The following SRCAP variants were observed in gnomAD, a reference collection of about 807,000 sequenced individuals.
SRCAP encodes chromatin remodeling protein SRCAP.
A neutral mutation model predicts 263.1 loss-of-function variants in SRCAP; 46 were observed. The ratio of observed to expected loss-of-function variants is 0.17; its 90% CI spans 0.14 to 0.22. SRCAP has a LOEUF of 0.22. SRCAP is among the 10% of genes least tolerant of loss of function. The pLI, the probability that SRCAP is intolerant of heterozygous loss-of-function variation, is 1.00. For missense variants in SRCAP, 3,695 were observed against 4,181.9 expected (o/e 0.88, Z 3.21); for synonymous variants, 1,813 against 1,662.1 (o/e 1.09, Z -2.21).
chr16:30,700,348 T>C (rs1217117977), intron 2 of SRCAP, among the ~76,000 whole-genome samples: 1 of 152,234 alleles, frequency 6.6e-6, no homozygotes, highest in East Asian at 1.9e-4. Context: ...TCGGGAATCC[T>C]TTCTGCATGG....
chr16:30,703,171 A>G (rs1025551449), intron 3 of SRCAP, among the ~76,000 whole-genome samples: 7 of 150,142 alleles, frequency 4.7e-5, no homozygotes, highest in African/African-American at 1.7e-4. Context: ...ATATATATGT[A>G]TGTATATAAA....
chr16:30,709,955 AT>A lies in SRCAP; in HGVS notation c.963del (p.Ile321MetfsTer59). The stretch of plus-strand genomic sequence containing the variant: ...TGATGCAGAGGCCCAGAGGCGTGAG[AT>A]TGAGCTGCTTCGCCGTGAGGGAGAA... ...GNDAEAQRRE[I>X]ELLRREGELP... On this transcript the variant is annotated frameshift_variant, in exon 8 of 34. Transcript: ENST00000262518. LOFTEE classifies it high-confidence loss of function. 1 of 1,614,188 alleles carries A rather than the reference AT, an allele frequency of 6.2e-7. No homozygotes were observed. The highest frequency in any genetic ancestry group is 8.5e-7 in the Non-Finnish European group (1 of 1,180,040).
chr16:30,737,464 C>T lies in SRCAP; in HGVS notation c.7424C>T (p.Thr2475Ile), dbSNP rs2053171945. 3.8e-6 allele frequency: 6 copies of T among 1,590,844 alleles called. No individual in the cohort carries two copies. Among genetic ancestry groups the T allele is most frequent in the Non-Finnish European group, 5.2e-6 (6 of 1,164,202 alleles). ...PVPISAPNPI[T>I]ILPVHILPSP... Reference sequence around the variant, plus strand: ...CCCATTTCAGCCCCAAATCCAATAACCATTCTCCCTGTCCATATCTTGCCT... The same window carrying T: ...CCCATTTCAGCCCCAAATCCAATAATCATTCTCCCTGTCCATATCTTGCCT... The change falls in exon 34 of 34, where the codon ACC becomes ATC. Residue 2475 changes from threonine to isoleucine, a missense_variant. Thr to Ile is a moderately conservative substitution (Grantham distance 89). Transcript: ENST00000262518.
chr16:30,728,247 T>C (rs1436047019), intron 25 of SRCAP, among the ~76,000 whole-genome samples: 1 of 152,192 alleles, frequency 6.6e-6, no homozygotes. Context: ...ACTGAGTGAT[T>C]ATAGTGAGCA....
chr16:30,712,195 G>C (rs774399132), intron 12 of SRCAP, 38 bp downstream of exon 12: 2 of 1,604,078 alleles, frequency 1.2e-6, no homozygotes, highest in African/African-American at 2.7e-5. Context: ...CTCATGTCTT[G>C]ACTTTCTCAT....
At position 30,736,377 on chromosome 16, in the gene SRCAP, G is replaced by T. The variant is rs770482630; in HGVS notation, c.6907G>T (p.Ala2303Ser). ...GATGTCCCGGGCTGAGCAGGAAATT[G>T]CTGCCCTCGTAGAACAGGTCAGTGC... ...EEMSRAEQEI[A>S]ALVEQLTPIE... is the part of the protein sequence containing the mutation. The change falls in exon 32 of 34, where the codon GCT becomes TCT. Residue 2303 changes from alanine (A) to serine (S), a missense_variant. By Grantham distance (99) the Ala-to-Ser change is moderately conservative (BLOSUM62 1). This residue lies in a region of SRCAP where 91 missense variants were observed against 150.6 expected (regional missense o/e 0.60). Coordinates refer to ENST00000262518, the MANE Select transcript of SRCAP (RefSeq NM_006662.3). The T allele has an allele frequency of 1.5e-5, 25 of 1,613,022 alleles. No homozygotes were observed. Among genetic ancestry groups the T allele is most frequent in the Non-Finnish European group, 2.1e-5 (25 of 1,179,310 alleles).
rs776253500 is a variant in SRCAP at position 30,733,498 on chromosome 16, C to A, written c.6297+49C>A. On this transcript the variant is annotated intron_variant, in intron 28 of 33. Coordinates refer to ENST00000262518, the MANE Select transcript of SRCAP (RefSeq NM_006662.3). This position sits in a 1 kb window ranked among gnomAD's most constrained non-coding sequence, Gnocchi z 5.3. The stretch of plus-strand genomic sequence containing the variant: ...TAGAGGCTCACCTCCGCTTCTCTCT[C>A]CTTTTCCCAGGATTTGGGCTTCCAG... The A allele has an allele frequency of 6.2e-7, 1 of 1,610,106 alleles. No homozygotes were observed. Among genetic ancestry groups the A allele is most frequent in the Non-Finnish European group, 8.5e-7 (1 of 1,177,224 alleles).
At chr16:30,703,187 T>C (rs964092835) in intron 3 of SRCAP, among the ~76,000 whole-genome samples, 2 of 148,926 alleles carry the variant, frequency 1.3e-5, no homozygotes, top group Non-Finnish European at 2.9e-5. Flanking sequence ...ATAAATTTTT[T>C]TTTTCCTTTT....
chr16:30,725,196 A>C, intron 25 of SRCAP, 114 bp downstream of exon 25: 1 of 1,483,276 alleles, frequency 6.7e-7, no homozygotes, highest in Non-Finnish European at 8.9e-7. Flanking sequence ...GCTTAATGTT[A>C]TGGACCAAGT....
chr16:30,734,072 G>GT, intron 30 of SRCAP, 64 bp downstream of exon 30: 1 of 1,404,352 alleles, frequency 7.1e-7, no homozygotes, highest in South Asian at 1.3e-5. Context: ...AGTTCCTCCT[G>GT]TTTATTAAAG....
rs777166883 is a variant in SRCAP, at chr16:30,728,947, C to G, written c.5659-19C>G. 1 of 1,600,924 alleles carries G rather than the reference C, an allele frequency of 6.2e-7. No homozygotes were observed. The highest frequency in any genetic ancestry group is 1.1e-5 in the South Asian group (1 of 90,518). ...ACTCTGAGGGTGCTGATTACTTCCTCTTTTTCTCTCACCCCCAGGACTCCC... is the reference window on the plus strand; with the variant it reads ...ACTCTGAGGGTGCTGATTACTTCCTGTTTTTCTCTCACCCCCAGGACTCCC... On this transcript the variant is annotated intron_variant, in intron 25 of 33. Transcript: ENST00000262518.
Position 30,720,925 on chromosome 16 carries a change from C to T in SRCAP, c.3200C>T (p.Pro1067Leu), listed in dbSNP as rs1367095618. 2 of 1,613,798 alleles carry T rather than the reference C, an allele frequency of 1.2e-6. No individual in the cohort carries two copies. The highest frequency in any genetic ancestry group is 2.2e-5 in the East Asian group (1 of 44,900). Residue 1067 changes from proline to leucine, a missense_variant, in exon 20 of 34, where the codon CCT (proline) becomes CTT (leucine). By Grantham distance (98) the Pro-to-Leu change is moderately conservative. Transcript: ENST00000262518. ...CCGCTTATTCCTGCATCTCGGCCTCCTGGCCCTGTCCTCTTGCCTCCACTG... is the reference window on the plus strand; with the variant it reads ...CCGCTTATTCCTGCATCTCGGCCTCTTGGCCCTGTCCTCTTGCCTCCACTG... ...GPPLIPASRP[P>L]GPVLLPPLQP...
chr16:30,703,904 TAA>T (rs2052796324), intron 3 of SRCAP, among the ~76,000 whole-genome samples, 158 bp from the exon 4 acceptor site: 4 of 150,936 alleles, frequency 2.7e-5, no homozygotes, highest in African/African-American at 7.4e-5. Flanking sequence ...CTCAAAAAAA[TAA>T]AATAAAAACT....
chr16:30,722,040 G>A, intron 21 of SRCAP, 82 bp from the exon 22 acceptor site: 2 of 1,516,612 alleles, frequency 1.3e-6, no homozygotes, highest in Admixed American at 2.0e-5. Flanking sequence ...GACACTCGGG[G>A]GAGAGGTGTG....
At chr16:30,713,458 T>A in intron 15 of SRCAP, 61 bp from the exon 16 acceptor site, 1 of 1,611,044 alleles carries the variant, frequency 6.2e-7, no homozygotes, top group East Asian at 2.2e-5. Context: ...TGTATCAGAA[T>A]GCTCAGAAGG....
chr16:30,702,518 G>C (rs1207068757), intron 3 of SRCAP, among the ~76,000 whole-genome samples: 1 of 150,608 alleles, frequency 6.6e-6, no homozygotes, highest in South Asian at 2.1e-4. Context: ...ACAGGTGTGA[G>C]CCACCGTGCC....
intron 5 of SRCAP, 81 bp from the exon 6 acceptor site, chr16:30,707,491 C>G: frequency 6.2e-7 from 1 of 1,605,572 alleles, no homozygotes; most frequent in Non-Finnish European, 8.5e-7. Flanking sequence ...TTCCAGATTT[C>G]TTGGCCTTGA....
Position 30,707,384 on chromosome 16 carries a change from G to A in SRCAP, c.492+16G>A. The stretch of plus-strand genomic sequence containing the variant: ...GGCCCGGAAGGTAGGTCTTCCGCTG[G>A]GACTTCCTTCCTTTTCCTTTTCAGG... On this transcript the variant is annotated intron_variant, in intron 5 of 33. Coordinates refer to ENST00000262518, the MANE Select transcript of SRCAP (RefSeq NM_006662.3). The A allele has an allele frequency of 1.2e-6, 2 of 1,612,158 alleles. No homozygotes were observed. Among genetic ancestry groups the A allele is most frequent in the Non-Finnish European group, 1.7e-6 (2 of 1,178,842 alleles).
chr16:30,723,236 C>A lies in SRCAP; in HGVS notation c.4159+7C>A. 1 of 1,589,998 alleles carries A rather than the reference C, an allele frequency of 6.3e-7. No homozygotes were observed. ...CCTTCACCTGAAGTCAGTGGTGAGT[C>A]CAGGTGGCTGAGGCCAGAAATCCTT... On this transcript the variant is annotated splice_region_variant and intron_variant, in intron 24 of 33. Transcript: ENST00000262518.
Sources: gnomAD v4.1 joint callset for allele counts (sites outside exome capture counted in the v4.1 genomes callset) on GRCh38, gnomAD v4.1.1 for gene constraint, gnomAD v4.1.1 regional missense constraint, Gnocchi (gnomAD v3.1) non-coding constraint, MANE v1.5 for transcripts, NCBI Gene and HGNC (gene_info 2026-07-23, HGNC 2026-07-21) for gene names.